The following SMARCC1 variants were observed in gnomAD, a reference collection of about 807,000 sequenced individuals.
The protein encoded by SMARCC1 is SWI/SNF complex subunit SMARCC1.
In SMARCC1, 43 loss-of-function variants were observed where a neutral mutation model predicts 147.4. The observed-to-expected ratio is 0.29, with a 90% CI of 0.23 to 0.38. SMARCC1 has a LOEUF of 0.38. Ranked by LOEUF, SMARCC1 falls within the 10% of genes least tolerant of loss-of-function variation. SMARCC1 has a pLI of 1.00. For synonymous variants in SMARCC1, 495 were observed against 484.4 expected (o/e 1.02, Z -0.29); for missense variants, 1,119 against 1,381.1 (o/e 0.81, Z 3.01).
At chr3:47,609,245 C>T (rs1238118606) in intron 26 of SMARCC1, among the ~76,000 whole-genome samples, 1 of 152,140 alleles carries the variant, frequency 6.6e-6, no homozygotes, top group African/African-American at 2.4e-5. Context: ...GCCTATAATC[C>T]CAGCACTTTG....
chr3:47,701,687 G>T (rs965045727), intron 10 of SMARCC1: 46 of 326,940 alleles, frequency 1.4e-4, no homozygotes, highest in African/African-American at 1.0e-3. Flanking sequence ...GGTGGCAGGC[G>T]CCTGTAATCC....
At chr3:47,609,865 G>C (rs1197598303) in intron 26 of SMARCC1, among the ~76,000 whole-genome samples, 1 of 152,114 alleles carries the variant, frequency 6.6e-6, no homozygotes, top group African/African-American at 2.4e-5. Flanking sequence ...CAACAAAAAG[G>C]CATCATACCA....
chr3:47,610,392 A>G, intron 25 of SMARCC1, 65 bp from the exon 26 acceptor site: 1 of 1,562,092 alleles, frequency 6.4e-7, no homozygotes, highest in Non-Finnish European at 8.8e-7. Flanking sequence ...GATAACACAA[A>G]GGACAACTAC....
At chr3:47,688,153 C>T (rs1477271007) in intron 13 of SMARCC1, among the ~76,000 whole-genome samples, 1 of 151,788 alleles carries the variant, frequency 6.6e-6, no homozygotes, top group Non-Finnish European at 1.5e-5. Flanking sequence ...CCAGCTACTC[C>T]GGAGGCTGAG....
At chr3:47,750,173 C>T (rs1266272716) in intron 2 of SMARCC1, among the ~76,000 whole-genome samples, 44 of 151,956 alleles carry the variant, frequency 2.9e-4, no homozygotes, top group Admixed American at 2.5e-3. Context: ...CGGTGGCTCA[C>T]GCCAATAATC....
intron 26 of SMARCC1, among the ~76,000 whole-genome samples, chr3:47,594,160 CA>C (rs35893415): frequency 1.5e-3 from 199 of 133,342 alleles, no homozygotes; most frequent in Admixed American, 2.0e-3. Flanking sequence ...AATGAAACTC[CA>C]AAAAAAAAAA....
At chr3:47,764,954 T>C (rs761162223) in intron 2 of SMARCC1, among the ~76,000 whole-genome samples, 3 of 152,174 alleles carry the variant, frequency 2.0e-5, no homozygotes, top group Non-Finnish European at 2.9e-5. Flanking sequence ...GTGATACCTA[T>C]AAAGAAAAGC....
Position 47,720,674 on chromosome 3 carries a change from G to A in SMARCC1, c.708C>T (p.Tyr236=). ...CAGCATATGAACATTACCTGTCTGG[G>A]TAAAAGCCCCAATGCACTAACACTT... The part of the protein sequence containing the change: ...EKQVLVHWGF[Y]PDSYDTWVHS... The change falls in exon 7 of 28, where the codon TAC becomes TAT. Residue 236 remains tyrosine, a synonymous_variant. Coordinates refer to ENST00000254480, the MANE Select transcript of SMARCC1 (RefSeq NM_003074.4). The A allele has an allele frequency of 1.2e-6, 2 of 1,605,966 alleles. No individual in the cohort carries two copies. The highest frequency in any genetic ancestry group is 1.1e-5 in the South Asian group (1 of 90,688).
At chr3:47,645,021 T>C (rs1019959015) in intron 21 of SMARCC1, among the ~76,000 whole-genome samples, 1 of 152,126 alleles carries the variant, frequency 6.6e-6, no homozygotes, top group Non-Finnish European at 1.5e-5. Context: ...ATAATTTCTA[T>C]CAACTCCATC....
chr3:47,688,878 C>T (rs541569540), intron 13 of SMARCC1, among the ~76,000 whole-genome samples: 2 of 152,194 alleles, frequency 1.3e-5, no homozygotes, highest in Admixed American at 1.3e-4. Context: ...GCAGGGAGGA[C>T]AAAAATTTCC....
At chr3:47,689,103 G>A (rs997591828) in intron 13 of SMARCC1, among the ~76,000 whole-genome samples, 3 of 152,022 alleles carry the variant, frequency 2.0e-5, no homozygotes, top group Non-Finnish European at 4.4e-5. Context: ...CAGCTACTCG[G>A]GAGGCTGAGG....
At chr3:47,736,623 G>C (rs1045193298) in intron 4 of SMARCC1, among the ~76,000 whole-genome samples, 15 of 151,008 alleles carry the variant, frequency 9.9e-5, no homozygotes, top group African/African-American at 3.4e-4. Context: ...CTTGCAGTGA[G>C]CCGAGATCAC....
At position 47,780,857 on chromosome 3, in the gene SMARCC1, A is replaced by C. The variant is rs551632121; in HGVS notation, c.195+746T>G. ...AAAAAAAAAAACATTTGTTATAAAC[A>C]AAGGATTAAGTCAAAACTTTGAAAA... On this transcript the variant is annotated intron_variant, in intron 1 of 27. Coordinates refer to ENST00000254480, the MANE Select transcript of SMARCC1 (RefSeq NM_003074.4). 2.0e-5 allele frequency among the ~76,000 whole-genome samples: 3 copies of C among 152,358 alleles called. 1 individual carries two copies. In the Middle Eastern group the frequency reaches 0.01, roughly 518 times the overall value.
chr3:47,621,024 G>A (rs1021963729), intron 25 of SMARCC1, among the ~76,000 whole-genome samples: 4 of 152,068 alleles, frequency 2.6e-5, no homozygotes, highest in Admixed American at 1.3e-4. Context: ...TTGTTCGGCC[G>A]GGCATGGTGG....
chr3:47,729,796 C>A (rs1366145431), intron 5 of SMARCC1, among the ~76,000 whole-genome samples: 2 of 152,172 alleles, frequency 1.3e-5, no homozygotes, highest in Non-Finnish European at 2.9e-5. Flanking sequence ...TATGTGCAAG[C>A]GTAACACAGA....
chr3:47,663,756 T>G, intron 19 of SMARCC1: 2 of 1,525,458 alleles, frequency 1.3e-6, no homozygotes, highest in South Asian at 1.1e-5. Flanking sequence ...GAGAACCCGG[T>G]GGTACCCATA....
chr3:47,640,179 T>C (rs973652472), intron 21 of SMARCC1, among the ~76,000 whole-genome samples: 4 of 152,064 alleles, frequency 2.6e-5, no homozygotes, highest in African/African-American at 9.7e-5. Context: ...GCTCAAAGTA[T>C]ATGAGCTCCA....
chr3:47,680,229 C>T, intron 15 of SMARCC1: 1 of 466,724 alleles, frequency 2.1e-6, no homozygotes, highest in Non-Finnish European at 3.8e-6. Context: ...CTCAAACAAA[C>T]ACCAAAAAAA....
In SMARCC1 at chr3:47,587,923, A is replaced by G. The variant is rs779660043; in HGVS notation, c.*286T>C. 5.1e-5 allele frequency: 21 copies of G among 413,040 alleles called. No homozygotes were observed. The highest frequency in any genetic ancestry group is 7.4e-5 in the Non-Finnish European group (17 of 231,142). 25.6% of individuals were successfully genotyped at this position (413,040 alleles called of 1,614,324 possible). ...GCTAAAGTTGACAGGACCTGCAGAGAAACTGTCAGCTTACTCCCACACCAG... is the reference window on the plus strand; with the variant it reads ...GCTAAAGTTGACAGGACCTGCAGAGGAACTGTCAGCTTACTCCCACACCAG... On this transcript the variant is annotated 3_prime_UTR_variant, in exon 28 of 28. Coordinates refer to ENST00000254480, the MANE Select transcript of SMARCC1 (RefSeq NM_003074.4).
Sources: allele counts gnomAD v4.1 joint callset (sites outside exome capture counted in the v4.1 genomes callset), GRCh38; gene constraint gnomAD v4.1.1; transcripts MANE v1.5; gene names NCBI Gene and HGNC (gene_info 2026-07-23, HGNC 2026-07-21).